The following OSBPL10 variants were observed in gnomAD, a reference collection of about 807,000 sequenced individuals.
The protein encoded by OSBPL10 is oxysterol-binding protein-related protein 10.
Under a neutral mutation model 81.7 loss-of-function variants are expected in OSBPL10, and 49 were observed. That is an observed-to-expected ratio of 0.60 (90% CI 0.48 to 0.76). The LOEUF (loss-of-function observed/expected upper bound fraction) is 0.76, where lower values mean the gene tolerates loss of function less well. OSBPL10 is among the 30% of genes least tolerant of loss of function. The pLI is 0.00. For synonymous variants in OSBPL10, 419 were observed against 383.6 expected (o/e 1.09, Z -1.08); for missense variants, 923 against 987.8 (o/e 0.93, Z 0.88).
In OSBPL10 at chr3:31,865,961, T is replaced by C. The variant is rs191539533; in HGVS notation, c.537+10472A>G. ...ATGTTGGGCTGGATGACTTCTGAAA[T>C]CCCTGGTAACCACATGGTTTCAGAG... is the stretch of plus-strand genomic sequence containing the variant. On this transcript the variant is annotated intron_variant, in intron 3 of 11. Transcript: ENST00000396556. Among the ~76,000 whole-genome samples the C allele has an allele frequency of 4.7e-3, 718 of 152,270 alleles. 4 individuals carry two copies. Among genetic ancestry groups the C allele is most frequent in the South Asian group, 0.011 (51 of 4,824 alleles).
chr3:32,073,128 C>T (rs889248531), intron 1 of OSBPL10, among the ~76,000 whole-genome samples: 1 of 152,180 alleles, frequency 6.6e-6, no homozygotes, highest in African/African-American at 2.4e-5. Flanking sequence ...AGCCTGTCCT[C>T]GAGACGCTAC....
intron 8 of OSBPL10, among the ~76,000 whole-genome samples, chr3:31,681,383 A>G (rs781315566): frequency 1.3e-5 from 2 of 152,162 alleles, no homozygotes; most frequent in Non-Finnish European, 2.9e-5. Context: ...AAGAGTGGCT[A>G]TTTTCCAAAA....
intron 7 of OSBPL10, among the ~76,000 whole-genome samples, chr3:31,691,271 G>A (rs1315277971): frequency 6.6e-6 from 1 of 152,148 alleles, no homozygotes; most frequent in Non-Finnish European, 1.5e-5. Context: ...CAATCTTCAG[G>A]TTGGGATCTT....
At chr3:32,034,358 T>C (rs928303868) in intron 2 of OSBPL10, among the ~76,000 whole-genome samples, 6 of 150,926 alleles carry the variant, frequency 4.0e-5, no homozygotes, top group African/African-American at 9.7e-5. Context: ...GGAGGATCAC[T>C]TGAGTCTGGG....
chr3:31,808,685 C>T (rs1699583987), intron 4 of OSBPL10, among the ~76,000 whole-genome samples: 1 of 152,232 alleles, frequency 6.6e-6, no homozygotes, highest in Non-Finnish European at 1.5e-5. Flanking sequence ...AACAATTCTA[C>T]ATTCCTTTCC....
chr3:31,702,568 G>A (rs1695933098), intron 6 of OSBPL10, 60 bp from the exon 7 acceptor site: 7 of 1,600,280 alleles, frequency 4.4e-6, no homozygotes, highest in Non-Finnish European at 6.0e-6. Flanking sequence ...GAAATAAAGT[G>A]TATGAATTCA....
At chr3:32,041,548 T>C (rs1036918871) in intron 2 of OSBPL10, among the ~76,000 whole-genome samples, 1 of 152,238 alleles carries the variant, frequency 6.6e-6, no homozygotes, top group Admixed American at 6.5e-5. Flanking sequence ...CTGAAGTCCA[T>C]AGTCCGTATC....
At chr3:31,990,274 A>T (rs775056819) in intron 2 of OSBPL10, 1 of 1,614,090 alleles carries the variant, frequency 6.2e-7, no homozygotes, top group Admixed American at 1.7e-5. Context: ...GAAACTTTAT[A>T]AATGTAATGA....
intron 3 of OSBPL10, among the ~76,000 whole-genome samples, chr3:31,852,994 G>A (rs745668013): frequency 3.9e-5 from 6 of 152,148 alleles, no homozygotes; most frequent in Admixed American, 6.5e-5. Context: ...CCACATAGTA[G>A]GCAGTTTATA....
intron 1 of OSBPL10, among the ~76,000 whole-genome samples, chr3:31,885,374 T>C (rs190493395): frequency 7.6e-4 from 116 of 152,218 alleles, no homozygotes; most frequent in Middle Eastern, 3.4e-3. Flanking sequence ...TAACCACCCA[T>C]GCACTCACCC....
chr3:31,916,463 TATG>T (rs1436838660), intron 1 of OSBPL10, among the ~76,000 whole-genome samples: 1 of 152,180 alleles, frequency 6.6e-6, no homozygotes, highest in South Asian at 2.1e-4. Flanking sequence ...TTATAAGCAT[TATG>T]ATGCCTTTGT....
intron 1 of OSBPL10, among the ~76,000 whole-genome samples, chr3:31,921,895 G>A (rs1696928577): frequency 6.6e-6 from 1 of 152,208 alleles, no homozygotes; most frequent in East Asian, 1.9e-4. Context: ...TTGATATGAT[G>A]TGATAAAAAT....
At chr3:31,724,114 T>C (rs563316801) in intron 6 of OSBPL10, among the ~76,000 whole-genome samples, 25 of 152,274 alleles carry the variant, frequency 1.6e-4, no homozygotes, top group Non-Finnish European at 1.5e-5. Flanking sequence ...TCTGACTTTT[T>C]CCCTTTGTGG....
chr3:31,717,908 G>A (rs930321004), intron 6 of OSBPL10, among the ~76,000 whole-genome samples: 6 of 152,100 alleles, frequency 3.9e-5, no homozygotes, highest in Non-Finnish European at 8.8e-5. Flanking sequence ...AACTTCCAGG[G>A]GAAATTTGTG....
chr3:31,870,018 T>C (rs6804897), intron 3 of OSBPL10, among the ~76,000 whole-genome samples: 85,745 of 152,172 alleles, frequency 0.56, 26,390 homozygotes, highest in African/African-American at 0.84. Flanking sequence ...CCCACTTTGG[T>C]GGCACTTGAG....
intron 2 of OSBPL10, among the ~76,000 whole-genome samples, chr3:32,026,423 T>G (rs1699414872): frequency 1.3e-5 from 2 of 152,208 alleles, no homozygotes; most frequent in African/African-American, 4.8e-5. Context: ...CATGTGACCA[T>G]GCCCGGCTAA....
chr3:31,690,302 G>T (rs912333779), intron 7 of OSBPL10, among the ~76,000 whole-genome samples: 1 of 152,044 alleles, frequency 6.6e-6, no homozygotes, highest in Admixed American at 6.6e-5. Context: ...GTAAGATGTT[G>T]AGAGCTTCCC....
chr3:32,015,762 C>T (rs932448196), intron 2 of OSBPL10, among the ~76,000 whole-genome samples: 4 of 152,230 alleles, frequency 2.6e-5, no homozygotes, highest in Admixed American at 1.3e-4. Flanking sequence ...AAGAAAAAAA[C>T]AACCCCATCA....
At chr3:31,768,894 T>A (rs1311862072) in intron 4 of OSBPL10, among the ~76,000 whole-genome samples, 1 of 152,230 alleles carries the variant, frequency 6.6e-6, no homozygotes, top group Non-Finnish European at 1.5e-5. Flanking sequence ...TTAAAGGGTC[T>A]TAGAGCTCTG....
Sources: gnomAD v4.1 joint callset for allele counts (sites outside exome capture counted in the v4.1 genomes callset) on GRCh38, gnomAD v4.1.1 for gene constraint, MANE v1.5 for transcripts, NCBI Gene and HGNC (gene_info 2026-07-23, HGNC 2026-07-21) for gene names.